Variants in TTC23 observed in about 807,000 individuals in gnomAD.
TTC23 encodes tetratricopeptide repeat domain 23.
Under a neutral mutation model 55.1 loss-of-function variants are expected in TTC23, and 58 were observed. That is an observed-to-expected ratio of 1.05 (90% CI 0.85 to 1.31). The LOEUF is 1.31. Ranked by LOEUF, TTC23 falls within the 50% of genes most tolerant of loss-of-function variation. TTC23 has a pLI of 0.00. For missense variants in TTC23, 516 were observed against 534.4 expected, an observed-to-expected ratio of 0.97 and a Z score of 0.34; for synonymous variants, 203 against 199.9, an observed-to-expected ratio of 1.02 and a Z score of -0.13.
chr15:99,145,111 G>C (rs1479866569), intron 12 of TTC23: 1 of 152,216 alleles, frequency 6.6e-6, no homozygotes, highest in Non-Finnish European at 1.5e-5. Context: ...TTCCCCTACA[G>C]AAACACAGTC....
chr15:99,171,168 T>C (rs1223882926), intron 10 of TTC23, among the ~76,000 whole-genome samples: 1 of 152,208 alleles, frequency 6.6e-6, no homozygotes, highest in Non-Finnish European at 1.5e-5. Context: ...CGCTTAGCAT[T>C]GACTCACCTT....
At chr15:99,206,224 TG>T (rs1417888393) in intron 8 of TTC23, among the ~76,000 whole-genome samples, 1 of 152,188 alleles carries the variant, frequency 6.6e-6, no homozygotes. Flanking sequence ...GAATTGGGTT[TG>T]AGGATTTTGT....
chr15:99,152,766 A>G (rs181747551), intron 12 of TTC23, among the ~76,000 whole-genome samples: 47 of 152,274 alleles, frequency 3.1e-4, no homozygotes, highest in African/African-American at 1.1e-3. Context: ...CGAATCACTT[A>G]ACATGGTGCC....
At position 99,240,096 on chromosome 15, in the gene TTC23, T is replaced by C. The variant is rs540932873; in HGVS notation, c.-114+1269A>G. 7.4e-4 allele frequency among the ~76,000 whole-genome samples: 112 copies of C among 152,310 alleles called. 2 individuals are homozygous for C. The highest frequency in any genetic ancestry group is 2.6e-3 in the African/African-American group (109 of 41,564). ...CCTAAGCCTGCATTTTAAAAAGTGA[T>C]CATACATTTTTATAAACAGGAATGC... On this transcript the variant is annotated intron_variant, in intron 3 of 13. Transcript: ENST00000394132.
At chr15:99,168,475 A>G (rs2072460845) in intron 10 of TTC23, among the ~76,000 whole-genome samples, 1 of 152,216 alleles carries the variant, frequency 6.6e-6, no homozygotes, top group Admixed American at 6.5e-5. Flanking sequence ...TGCGTTTTCC[A>G]TAAGCTGCCT....
intron 9 of TTC23, among the ~76,000 whole-genome samples, chr15:99,197,372 G>A (rs2075828402): frequency 6.6e-6 from 1 of 152,022 alleles, no homozygotes; most frequent in South Asian, 2.1e-4. Context: ...AAAGTGCTGG[G>A]ATTACAGGTG....
At chr15:99,142,559 C>G (rs2068359060) in intron 12 of TTC23, among the ~76,000 whole-genome samples, 1 of 152,158 alleles carries the variant, frequency 6.6e-6, no homozygotes, top group Admixed American at 6.5e-5. Flanking sequence ...TTGAGACAGT[C>G]TGAGGTCTCA....
chr15:99,220,643 T>C (rs1160105569), intron 6 of TTC23, among the ~76,000 whole-genome samples: 2 of 152,232 alleles, frequency 1.3e-5, no homozygotes, highest in Non-Finnish European at 1.5e-5. Flanking sequence ...GCCAAATTTA[T>C]TGGGTGGCAA....
chr15:99,144,519 C>T (rs1248179260), intron 12 of TTC23: 1 of 152,158 alleles, frequency 6.6e-6, no homozygotes, highest in Admixed American at 6.5e-5. Flanking sequence ...AACCTCCTGC[C>T]TAAGGTCCCA....
Position 99,217,059 on chromosome 15 carries a change from AT to A in TTC23, c.581+1528del, listed in dbSNP as rs1179986253. Reference sequence around the variant, plus strand: ...GAGCATTATACAGGAACCAGAAGCAATGAACTAAAATCCAGGCAACAACCAA... The same window carrying A: ...GAGCATTATACAGGAACCAGAAGCAAGAACTAAAATCCAGGCAACAACCAA... On this transcript the variant is annotated intron_variant, in intron 8 of 13. Transcript: ENST00000394132. 5.9e-5 allele frequency among the ~76,000 whole-genome samples: 9 copies of A among 152,354 alleles called. No individual in the cohort carries two copies. The South Asian group carries it at 1.7e-3, about 28-fold the overall frequency.
intron 8 of TTC23, among the ~76,000 whole-genome samples, chr15:99,212,260 ATGTGTGTGTG>A (rs35709919): frequency 2.0e-5 from 3 of 146,516 alleles, no homozygotes; most frequent in South Asian, 2.2e-4. Flanking sequence ...TTAAAGAGGG[ATGTGTGTGTG>A]TGTGTGTGTG....
intron 12 of TTC23, among the ~76,000 whole-genome samples, chr15:99,142,995 G>A (rs919109377): frequency 2.3e-4 from 35 of 152,174 alleles, no homozygotes; most frequent in African/African-American, 8.4e-4. Context: ...TTCCCCTAAG[G>A]TTACTTATCC....
intron 8 of TTC23, among the ~76,000 whole-genome samples, chr15:99,216,869 C>A (rs79234225): frequency 2.2e-3 from 341 of 152,274 alleles, no homozygotes; most frequent in Non-Finnish European, 3.9e-3. Context: ...AAAAGCAATA[C>A]CACCCTTGGG....
intron 10 of TTC23, among the ~76,000 whole-genome samples, chr15:99,169,315 C>A (rs1364147929): frequency 1.3e-5 from 2 of 152,034 alleles, no homozygotes; most frequent in East Asian, 3.9e-4. Flanking sequence ...GGGAGACAGG[C>A]AACTGGGGCG....
chr15:99,250,142 C>G (rs977816395), upstream of TTC23, among the ~76,000 whole-genome samples: 1 of 152,114 alleles, frequency 6.6e-6, no homozygotes, highest in Non-Finnish European at 1.5e-5. Context: ...AACACCGTAT[C>G]TTTGTTTTTA....
chr15:99,166,590 A>G (rs2072129533), intron 10 of TTC23, among the ~76,000 whole-genome samples: 1 of 152,204 alleles, frequency 6.6e-6, no homozygotes, highest in South Asian at 2.1e-4. Flanking sequence ...GCGGCTATCA[A>G]AGTGACAGAA....
At chr15:99,228,048 C>T (rs1372408728) in intron 5 of TTC23, among the ~76,000 whole-genome samples, 2 of 152,188 alleles carry the variant, frequency 1.3e-5, no homozygotes, top group African/African-American at 4.8e-5. Context: ...TCCTTCTGTG[C>T]CCCTGGCACC....
In TTC23 at chr15:99,154,836, C is replaced by A. The variant is rs541562855; in HGVS notation, c.1143+1312G>T. 9.3e-4 allele frequency among the ~76,000 whole-genome samples: 142 copies of A among 152,088 alleles called. 1 individual carries two copies. Among genetic ancestry groups the A allele is most frequent in the Non-Finnish European group, 1.5e-3 (104 of 68,020 alleles). On this transcript the variant is annotated intron_variant, in intron 12 of 13. Coordinates refer to ENST00000394132, the MANE Select transcript of TTC23 (RefSeq NM_001288615.3). Reference sequence around the variant, plus strand: ...ATGATAAAATATATAAACCTTAGTTCTAAAACCAGCATCTATTAAATAAAG... The same window carrying A: ...ATGATAAAATATATAAACCTTAGTTATAAAACCAGCATCTATTAAATAAAG...
At chr15:99,144,535 G>C (rs1257394683) in intron 12 of TTC23, 1 of 152,162 alleles carries the variant, frequency 6.6e-6, no homozygotes, top group East Asian at 1.9e-4. Context: ...TCCCAGAATT[G>C]CATCATAACA....
Sources: allele counts gnomAD v4.1 joint callset (sites outside exome capture counted in the v4.1 genomes callset), GRCh38; gene constraint gnomAD v4.1.1; transcripts MANE v1.5; gene names NCBI Gene and HGNC (gene_info 2026-07-23, HGNC 2026-07-21).